Variants in SLC24A3 observed in about 807,000 individuals in gnomAD.
SLC24A3 encodes solute carrier family 24 member 3.
A neutral mutation model predicts 75.8 loss-of-function variants in SLC24A3; 28 were observed. The observed-to-expected ratio is 0.37, with a 90% confidence interval of 0.27 to 0.51. The LOEUF is 0.51. Ranked by LOEUF, SLC24A3 falls within the 20% of genes least tolerant of loss-of-function variation. SLC24A3 has a pLI of 0.94. For synonymous variants in SLC24A3, 372 were observed against 334.1 expected (o/e 1.11, Z -1.24); for missense variants, 663 against 847.8 (o/e 0.78, Z 2.71).
At chr20:19,510,051 A>T (rs959622837) in intron 2 of SLC24A3, among the ~76,000 whole-genome samples, 1 of 152,218 alleles carries the variant, frequency 6.6e-6, no homozygotes, top group Admixed American at 6.5e-5. Flanking sequence ...TAGGCTGTGT[A>T]TATAGCACGC....
intron 2 of SLC24A3, among the ~76,000 whole-genome samples, chr20:19,494,679 G>T (rs1241363652): frequency 6.6e-6 from 1 of 152,140 alleles, no homozygotes; most frequent in Non-Finnish European, 1.5e-5. Context: ...GTCTTCCTGA[G>T]CCTGGAATTT....
chr20:19,531,542 C>T (rs1007265919), intron 3 of SLC24A3, among the ~76,000 whole-genome samples: 17 of 152,178 alleles, frequency 1.1e-4, no homozygotes, highest in African/African-American at 4.1e-4. Flanking sequence ...AATGTACAAT[C>T]CTCCCTATTT....
At chr20:19,528,833 A>T (rs2030244061) in intron 3 of SLC24A3, among the ~76,000 whole-genome samples, 1 of 152,198 alleles carries the variant, frequency 6.6e-6, no homozygotes, top group African/African-American at 2.4e-5. Flanking sequence ...GCTTTTTAGC[A>T]TCAGAAGCTT....
At chr20:19,638,267 A>G (rs1364256015) in intron 6 of SLC24A3, among the ~76,000 whole-genome samples, 1 of 152,218 alleles carries the variant, frequency 6.6e-6, no homozygotes, top group Non-Finnish European at 1.5e-5. Flanking sequence ...TAAATCTAGA[A>G]AGGCCTATTA....
intron 3 of SLC24A3, among the ~76,000 whole-genome samples, chr20:19,567,824 C>A (rs1319996108): frequency 6.6e-6 from 1 of 152,034 alleles, no homozygotes; most frequent in Non-Finnish European, 1.5e-5. Context: ...TCAAAGGACA[C>A]AATCAATAGA....
intron 1 of SLC24A3, among the ~76,000 whole-genome samples, chr20:19,217,639 T>C (rs1023411187): frequency 6.6e-6 from 1 of 152,200 alleles, no homozygotes. Flanking sequence ...ATTCCTCCTA[T>C]GGCAAATGAC....
intron 2 of SLC24A3, among the ~76,000 whole-genome samples, chr20:19,383,934 A>G (rs1986226803): frequency 2.6e-5 from 4 of 152,188 alleles, no homozygotes; most frequent in Admixed American, 2.6e-4. Flanking sequence ...TAGCGATTCA[A>G]TTGTGAATTT....
chr20:19,572,473 G>A (rs1309945513), intron 3 of SLC24A3, among the ~76,000 whole-genome samples: 3 of 152,170 alleles, frequency 2.0e-5, no homozygotes, highest in African/African-American at 4.8e-5. Flanking sequence ...CCACTCAGGG[G>A]TACTGATATG....
intron 2 of SLC24A3, among the ~76,000 whole-genome samples, chr20:19,479,091 C>T (rs1003383803): frequency 6.6e-6 from 1 of 152,198 alleles, no homozygotes; most frequent in African/African-American, 2.4e-5. Flanking sequence ...TCTAACAGGC[C>T]CATGCCATGC....
At chr20:19,590,098 T>A (rs565403274) in intron 6 of SLC24A3, among the ~76,000 whole-genome samples, 1 of 151,794 alleles carries the variant, frequency 6.6e-6, no homozygotes, top group East Asian at 2.0e-4. Flanking sequence ...CCTGCTACAA[T>A]GGAAGTATTA....
At chr20:19,615,688 A>G (rs181852411) in intron 6 of SLC24A3, among the ~76,000 whole-genome samples, 109 of 152,352 alleles carry the variant, frequency 7.2e-4, no homozygotes, top group African/African-American at 2.5e-3. Context: ...AGGCAGAACA[A>G]GAGGGGATAG....
In SLC24A3 at chr20:19,224,147, T is replaced by A. The variant is rs547767378; in HGVS notation, c.142+11163T>A. On this transcript the variant is annotated intron_variant, in intron 1 of 16. Coordinates refer to ENST00000328041, the MANE Select transcript of SLC24A3 (RefSeq NM_020689.4). ...GTGTGTGTGTGTGTGTGTGTGTGTGTGAGAGTATTGAGTTACACACAGTTT... is the reference window on the plus strand; with the variant it reads ...GTGTGTGTGTGTGTGTGTGTGTGTGAGAGAGTATTGAGTTACACACAGTTT... Among the ~76,000 whole-genome samples the A allele has an allele frequency of 4.2e-3, 592 of 140,004 alleles. 2 individuals carry two copies. The highest frequency in any genetic ancestry group is 8.3e-3 in the South Asian group (36 of 4,332). The allele number at this position is 140,004 out of a possible 152,430, so 91.8% of individuals were successfully genotyped here.
chr20:19,535,400 G>A (rs1600270296), intron 3 of SLC24A3, among the ~76,000 whole-genome samples: 2 of 152,180 alleles, frequency 1.3e-5, no homozygotes, highest in Admixed American at 1.3e-4. Flanking sequence ...GGCAATGAGA[G>A]TAACTGAGTC....
chr20:19,541,546 C>A (rs2030497673), intron 3 of SLC24A3, among the ~76,000 whole-genome samples: 1 of 152,180 alleles, frequency 6.6e-6, no homozygotes, highest in South Asian at 2.1e-4. Flanking sequence ...GTGGGGCACC[C>A]CCGCGCCCTC....
At chr20:19,587,113 T>C (rs2031309117) in intron 6 of SLC24A3, among the ~76,000 whole-genome samples, 1 of 152,178 alleles carries the variant, frequency 6.6e-6, no homozygotes, top group African/African-American at 2.4e-5. Flanking sequence ...CTAATTGGCA[T>C]TGTCACCATC....
At chr20:19,492,444 G>T (rs1353836473) in intron 2 of SLC24A3, among the ~76,000 whole-genome samples, 1 of 152,194 alleles carries the variant, frequency 6.6e-6, no homozygotes, top group Non-Finnish European at 1.5e-5. Flanking sequence ...TCTGTAGCCT[G>T]GCACCAGCGT....
intron 1 of SLC24A3, among the ~76,000 whole-genome samples, chr20:19,246,631 T>C (rs1448959014): frequency 5.3e-5 from 8 of 152,180 alleles, no homozygotes. Flanking sequence ...TGATCAGTAG[T>C]TCAAAATATG....
At chr20:19,634,613 C>T (rs1414317941) in intron 6 of SLC24A3, among the ~76,000 whole-genome samples, 1 of 151,986 alleles carries the variant, frequency 6.6e-6, no homozygotes, top group Non-Finnish European at 1.5e-5. Context: ...TTAAATGAAG[C>T]TCAAAAATAT....
intron 7 of SLC24A3, among the ~76,000 whole-genome samples, chr20:19,658,836 C>T (rs976969908): frequency 8.5e-5 from 13 of 152,218 alleles, no homozygotes; most frequent in Non-Finnish European, 1.3e-4. Flanking sequence ...GCAGATTCTT[C>T]GCTGCTTCTC....
Sources: allele counts gnomAD v4.1 joint callset (sites outside exome capture counted in the v4.1 genomes callset), GRCh38; gene constraint gnomAD v4.1.1; transcripts MANE v1.5; gene names NCBI Gene and HGNC (gene_info 2026-07-23, HGNC 2026-07-21).